The following PDC variants were observed in gnomAD, a reference collection of about 807,000 sequenced individuals.
PDC encodes 33 kDa phototransducing protein.
Under a neutral mutation model 22.2 loss-of-function variants are expected in PDC, and 19 were observed. That is an observed-to-expected ratio of 0.86 (90% CI 0.60 to 1.26). PDC has a LOEUF of 1.26. Ranked by LOEUF, PDC falls within the 50% of genes most tolerant of loss-of-function variation. The probability of loss-of-function intolerance (pLI) is 0.00; values close to 1 mark genes in which losing one functional copy is unlikely to be tolerated. For synonymous variants in PDC, 97 were observed against 96.2 expected, an observed-to-expected ratio of 1.01 and a Z score of -0.05; for missense variants, 274 against 286.8, an observed-to-expected ratio of 0.96 and a Z score of 0.32.
At chr1:186,456,465 A>G (rs570176892) in intron 1 of PDC, among the ~76,000 whole-genome samples, 4 of 152,176 alleles carry the variant, frequency 2.6e-5, no homozygotes, top group Non-Finnish European at 5.9e-5. Context: ...TTATTCTCAT[A>G]CTGGTCTCCC....
At chr1:186,445,063 A>G (rs1457380375) in intron 3 of PDC, among the ~76,000 whole-genome samples, 1 of 152,170 alleles carries the variant, frequency 6.6e-6, no homozygotes, top group East Asian at 1.9e-4. Flanking sequence ...TCCATTTTCT[A>G]AGATAGCTAC....
intron 1 of PDC, among the ~76,000 whole-genome samples, chr1:186,458,999 A>C (rs1004189821): frequency 6.6e-6 from 1 of 152,070 alleles, no homozygotes; most frequent in African/African-American, 2.4e-5. Context: ...CCATCTCTAC[A>C]AAAAGTACAA....
At chr1:186,447,294 G>T (rs1036387989) in intron 2 of PDC, among the ~76,000 whole-genome samples, 11 of 152,026 alleles carry the variant, frequency 7.2e-5, no homozygotes, top group South Asian at 2.1e-4. Flanking sequence ...GACTACAGGC[G>T]CATACCACCA....
chr1:186,460,640 C>T (rs988797749), intron 1 of PDC, among the ~76,000 whole-genome samples: 10 of 152,208 alleles, frequency 6.6e-5, no homozygotes, highest in African/African-American at 2.4e-4. Flanking sequence ...GGTCCTGGAA[C>T]ATATCCCCCT....
chr1:186,454,779 C>A (rs373908708), intron 1 of PDC, among the ~76,000 whole-genome samples: 5 of 152,152 alleles, frequency 3.3e-5, no homozygotes, highest in East Asian at 1.9e-4. Flanking sequence ...CTCATGGATT[C>A]ATATCAACCA....
chr1:186,455,215 A>T (rs1195196715), intron 1 of PDC, among the ~76,000 whole-genome samples: 1 of 152,152 alleles, frequency 6.6e-6, no homozygotes, highest in Non-Finnish European at 1.5e-5. Context: ...CTGCCTTCTC[A>T]CTGTGACCTC....
At chr1:186,446,987 A>T (rs1029233591) in intron 2 of PDC, among the ~76,000 whole-genome samples, 1 of 152,172 alleles carries the variant, frequency 6.6e-6, no homozygotes, top group African/African-American at 2.4e-5. Flanking sequence ...GGAAACTGGG[A>T]ATGTTGGGGA....
chr1:186,459,774 A>ATATG (rs1483884577), intron 1 of PDC, among the ~76,000 whole-genome samples: 1 of 145,234 alleles, frequency 6.9e-6, no homozygotes, highest in Non-Finnish European at 1.5e-5. Flanking sequence ...ATATATATAT[A>ATATG]TATATATTTA....
chr1:186,452,375 T>A (rs1662371459), intron 1 of PDC, among the ~76,000 whole-genome samples: 1 of 152,138 alleles, frequency 6.6e-6, no homozygotes, highest in East Asian at 1.9e-4. Context: ...CTAGCTGGGA[T>A]TACAGGCATG....
rs771769083 is a variant in PDC, at chr1:186,443,932, C to G, written c.*47G>C. On this transcript the variant is annotated 3_prime_UTR_variant, in exon 4 of 4. Transcript: ENST00000391997. Reference sequence around the variant, plus strand: ...GCAATATAGATACTACCAAAACCATCATCCAATACCTAAAGGATAAACATG... The same window carrying G: ...GCAATATAGATACTACCAAAACCATGATCCAATACCTAAAGGATAAACATG... 7 of 1,399,498 alleles carry G rather than the reference C, an allele frequency of 5.0e-6. No homozygotes were observed. Among genetic ancestry groups the G allele is most frequent in the Non-Finnish European group, 6.0e-6 (6 of 1,004,946 alleles). The allele number at this position is 1,399,498 out of a possible 1,614,324, so 86.7% of individuals were successfully genotyped here.
chr1:186,449,150 T>C (rs1029818861), intron 2 of PDC, among the ~76,000 whole-genome samples: 2 of 152,094 alleles, frequency 1.3e-5, no homozygotes, highest in Non-Finnish European at 2.9e-5. Context: ...GGTCTTGTGA[T>C]AGCTGGGCAG....
At position 186,444,071 on chromosome 1, in the gene PDC, C is replaced by G; in HGVS notation, c.649G>C (p.Val217Leu). 1 of 1,613,632 alleles carries G rather than the reference C, an allele frequency of 6.2e-7. No homozygotes were observed. Among genetic ancestry groups the G allele is most frequent in the South Asian group, 1.1e-5 (1 of 91,082 alleles). ...QFAEEFFAGD[V>L]ESFLNEYGLL... ...CCATATTCATTTAGGAAAGACTCCACATCCCCAGCAAAAAATTCTTCAGCA... is the reference window on the plus strand; with the variant it reads ...CCATATTCATTTAGGAAAGACTCCAGATCCCCAGCAAAAAATTCTTCAGCA... The change falls in exon 4 of 4, where the codon GTG (valine) becomes CTG (leucine). Residue 217 changes from valine (V) to leucine (L), a missense_variant. Coordinates refer to ENST00000391997, the MANE Select transcript of PDC (RefSeq NM_002597.5).
intron 2 of PDC, 119 bp downstream of exon 2, chr1:186,449,280 A>C: frequency 2.1e-6 from 1 of 465,960 alleles, no homozygotes; most frequent in Non-Finnish European, 3.7e-6. Context: ...TTAGATTAGC[A>C]TAACAATTTA....
At chr1:186,445,823 A>AATG (rs1483990024) in intron 3 of PDC, among the ~76,000 whole-genome samples, 1 of 152,050 alleles carries the variant, frequency 6.6e-6, no homozygotes, top group Non-Finnish European at 1.5e-5. Context: ...TAATAATAAT[A>AATG]TTGTCCCAAT....
At chr1:186,449,741 T>C (rs1662311367) in intron 1 of PDC, among the ~76,000 whole-genome samples, 1 of 152,204 alleles carries the variant, frequency 6.6e-6, no homozygotes, top group Non-Finnish European at 1.5e-5. Flanking sequence ...AATTCATCAT[T>C]TGTCTTTTCT....
rs542619967 is a variant in PDC, at chr1:186,449,547, G to T, written c.-24-64C>A. 8.3e-4 allele frequency: 663 copies of T among 796,652 alleles called. 4 individuals are homozygous for T. The highest frequency in any genetic ancestry group is 4.1e-3 in the South Asian group (242 of 58,944). The allele number at this position is 796,652 out of a possible 1,614,324, so 49.3% of individuals were successfully genotyped here. On this transcript the variant is annotated intron_variant, in intron 1 of 3. Transcript: ENST00000391997. Reference sequence around the variant, plus strand: ...TCCAGGATGTACATACATATATATAGAGATAAATATATAGGTACATGCATA... The same window carrying T: ...TCCAGGATGTACATACATATATATATAGATAAATATATAGGTACATGCATA...
chr1:186,444,914 G>A (rs978259519), intron 3 of PDC, among the ~76,000 whole-genome samples: 8 of 152,100 alleles, frequency 5.3e-5, no homozygotes, highest in African/African-American at 1.9e-4. Flanking sequence ...GAACTTCTAG[G>A]AAATGCAAAT....
chr1:186,443,760 A>T lies in PDC; in HGVS notation c.*219T>A. ...TTATCCACATCCTCTTTGTCTACTAATAATGTTGCTGAAGACAGCTCTGTT... is the reference window on the plus strand; with the variant it reads ...TTATCCACATCCTCTTTGTCTACTATTAATGTTGCTGAAGACAGCTCTGTT... On this transcript the variant is annotated 3_prime_UTR_variant, in exon 4 of 4. Coordinates refer to ENST00000391997, the MANE Select transcript of PDC (RefSeq NM_002597.5). The T allele has an allele frequency of 2.1e-6, 1 of 485,152 alleles. No individual in the cohort carries two copies. The allele number at this position is 485,152 out of a possible 1,614,324, so 30.1% of individuals were successfully genotyped here.
At chr1:186,450,396 GCTGTTTTATTTAGCTCA>G (rs745553081) in intron 1 of PDC, among the ~76,000 whole-genome samples, 1 of 152,022 alleles carries the variant, frequency 6.6e-6, no homozygotes, top group Non-Finnish European at 1.5e-5. Flanking sequence ...GTGCGATGGT[GCTGTTTTATTTAGCTCA>G]CTGCAGCCTC....
Sources: allele counts gnomAD v4.1 joint callset (sites outside exome capture counted in the v4.1 genomes callset), GRCh38; gene constraint gnomAD v4.1.1; transcripts MANE v1.5; gene names NCBI Gene and HGNC (gene_info 2026-07-23, HGNC 2026-07-21).